MGMT: variants seen among roughly 807,000 people sequenced by gnomAD.
MGMT encodes methylated-DNA--protein-cysteine methyltransferase.
A neutral mutation model predicts 15.9 loss-of-function variants in MGMT; 14 were observed. That is an observed-to-expected ratio of 0.88 (90% CI 0.58 to 1.37). The LOEUF is 1.37. Ranked by LOEUF, MGMT falls within the 40% of genes most tolerant of loss-of-function variation. MGMT has a pLI of 0.00. For missense variants in MGMT, 282 were observed against 268.1 expected (o/e 1.05, Z -0.36); for synonymous variants, 130 against 118.2 (o/e 1.10, Z -0.65).
intron 1 of MGMT, among the ~76,000 whole-genome samples, chr10:129,469,492 G>C: frequency 6.6e-6 from 1 of 152,078 alleles, no homozygotes; most frequent in East Asian, 1.9e-4. Flanking sequence ...CCAGCATAAA[G>C]TTCCATGTCC....
intron 2 of MGMT, among the ~76,000 whole-genome samples, chr10:129,541,923 T>G (rs1386380450): frequency 3.3e-5 from 5 of 152,140 alleles, no homozygotes; most frequent in Non-Finnish European, 7.4e-5. Context: ...GCATGCAGGT[T>G]GGCCCTGACC....
intron 2 of MGMT, among the ~76,000 whole-genome samples, chr10:129,540,074 G>C (rs1053428213): frequency 6.6e-6 from 1 of 152,118 alleles, no homozygotes; most frequent in Non-Finnish European, 1.5e-5. Flanking sequence ...CATTGTCCTC[G>C]GCAGCGTTGA....
At chr10:129,592,813 G>T (rs561883055) in intron 2 of MGMT, among the ~76,000 whole-genome samples, 150 of 144,104 alleles carry the variant, frequency 1.0e-3, no homozygotes, top group African/African-American at 2.5e-3. Context: ...TTTTTTTTTT[G>T]GAAAAATGGT....
intron 2 of MGMT, chr10:129,537,162 A>T (rs1317612049): frequency 6.6e-6 from 1 of 152,094 alleles, no homozygotes; most frequent in Non-Finnish European, 1.5e-5. Context: ...AAGAAAAAAA[A>T]AACACCCACT....
At chr10:129,607,993 A>C (rs1390366945) in intron 2 of MGMT, among the ~76,000 whole-genome samples, 1 of 152,198 alleles carries the variant, frequency 6.6e-6, no homozygotes, top group Non-Finnish European at 1.5e-5. Flanking sequence ...GAAGGTTTTC[A>C]GCTGGGAAAA....
chr10:129,608,240 A>G (rs1314333390), intron 2 of MGMT, among the ~76,000 whole-genome samples: 2 of 152,260 alleles, frequency 1.3e-5, no homozygotes, highest in South Asian at 2.1e-4. Flanking sequence ...ATTTACTAGT[A>G]TATACACAGA....
chr10:129,734,875 A>G lies in MGMT; in HGVS notation c.275-24327A>G, dbSNP rs202171893. ...TGCTGGATTACATTTATTGATTTGC[A>G]TATATTGAACCAGCCTTGCATCCCA... is the stretch of plus-strand genomic sequence containing the variant. On this transcript the variant is annotated intron_variant, in intron 3 of 4. Coordinates refer to ENST00000651593, the MANE Select transcript of MGMT (RefSeq NM_002412.5). Among the ~76,000 whole-genome samples the G allele has an allele frequency of 6.3e-4, 96 of 152,206 alleles. 1 individual carries two copies. The Middle Eastern group carries it at 0.01, about 16-fold the overall frequency.
intron 2 of MGMT, among the ~76,000 whole-genome samples, chr10:129,627,414 C>CA (rs199934716): frequency 0.088 from 10,617 of 120,858 alleles, 537 homozygotes; most frequent in African/African-American, 0.15. Context: ...CTCCTCTACT[C>CA]AAAAAAAAGA....
chr10:129,633,496 A>G, intron 2 of MGMT, among the ~76,000 whole-genome samples: 1 of 152,234 alleles, frequency 6.6e-6, no homozygotes, highest in Non-Finnish European at 1.5e-5. Flanking sequence ...AGATCAAGGA[A>G]TTTCCTGTTT....
At chr10:129,617,245 G>A (rs1467860296) in intron 2 of MGMT, among the ~76,000 whole-genome samples, 1 of 152,162 alleles carries the variant, frequency 6.6e-6, no homozygotes, top group African/African-American at 2.4e-5. Flanking sequence ...AGGACAACAT[G>A]GATGCAAATG....
At chr10:129,615,128 C>T (rs1055023342) in intron 2 of MGMT, among the ~76,000 whole-genome samples, 1 of 152,104 alleles carries the variant, frequency 6.6e-6, no homozygotes, top group Non-Finnish European at 1.5e-5. Context: ...CATTTTCCAT[C>T]ATATGGAGTG....
At position 129,546,856 on chromosome 10, in the gene MGMT, G is replaced by T. The variant is rs148254739; in HGVS notation, c.125+10479G>T. Among the ~76,000 whole-genome samples, 920 of 152,318 alleles carry T rather than the reference G, an allele frequency of 6.0e-3. 9 individuals are homozygous for T. Among genetic ancestry groups the T allele is most frequent in the African/African-American group, 0.021 (886 of 41,564 alleles). ...GACTTCGGGATGCCAGCTAAATGCT[G>T]TTTGCTCAGCATATGCCTGAACTGG... On this transcript the variant is annotated intron_variant, in intron 2 of 4. Coordinates refer to ENST00000651593, the MANE Select transcript of MGMT (RefSeq NM_002412.5).
chr10:129,470,658 G>A (rs536553018), intron 1 of MGMT, among the ~76,000 whole-genome samples: 7 of 152,274 alleles, frequency 4.6e-5, no homozygotes, highest in African/African-American at 1.7e-4. Flanking sequence ...AGCAGCCTGC[G>A]CTCCCGAAGC....
intron 2 of MGMT, among the ~76,000 whole-genome samples, chr10:129,540,868 C>T (rs988852040): frequency 2.0e-5 from 3 of 152,166 alleles, no homozygotes; most frequent in African/African-American, 7.2e-5. Flanking sequence ...TGCTGCCTTC[C>T]CTCATCTCGG....
At chr10:129,518,995 C>T (rs1845775268) in intron 1 of MGMT, among the ~76,000 whole-genome samples, 1 of 152,086 alleles carries the variant, frequency 6.6e-6, no homozygotes, top group Non-Finnish European at 1.5e-5. Flanking sequence ...TGGTGATTGT[C>T]TGGGGCACTC....
At chr10:129,699,622 T>G (rs536020434) in intron 2 of MGMT, among the ~76,000 whole-genome samples, 44 of 152,292 alleles carry the variant, frequency 2.9e-4, no homozygotes, top group Admixed American at 5.9e-4. Flanking sequence ...CATTTTGGGA[T>G]GGGGTTGAAG....
intron 2 of MGMT, among the ~76,000 whole-genome samples, chr10:129,548,302 T>C (rs924204684): frequency 6.6e-6 from 1 of 152,236 alleles, no homozygotes; most frequent in African/African-American, 2.4e-5. Flanking sequence ...TAAAAATATA[T>C]GCTCCTGAAA....
intron 2 of MGMT, among the ~76,000 whole-genome samples, chr10:129,614,986 T>G (rs949004914): frequency 2.6e-5 from 4 of 152,142 alleles, no homozygotes; most frequent in Admixed American, 2.0e-4. Context: ...GTTTTTCCTA[T>G]CTTAAAGCTT....
At chr10:129,598,076 A>G (rs1846772477) in intron 2 of MGMT, among the ~76,000 whole-genome samples, 1 of 152,124 alleles carries the variant, frequency 6.6e-6, no homozygotes, top group Admixed American at 6.5e-5. Context: ...CGGTGCACGT[A>G]TTCAATGTTT....
Sources: allele counts gnomAD v4.1 joint callset (sites outside exome capture counted in the v4.1 genomes callset), GRCh38; gene constraint gnomAD v4.1.1; transcripts MANE v1.5; gene names NCBI Gene and HGNC (gene_info 2026-07-23, HGNC 2026-07-21).